Variants in COLEC12 observed in about 807,000 individuals in gnomAD.
COLEC12 encodes the protein collectin-12.
Under a neutral mutation model 71.1 loss-of-function variants are expected in COLEC12, and 33 were observed. That is an observed-to-expected ratio of 0.46 (90% confidence interval 0.35 to 0.62). The LOEUF is 0.62. Among genes scored for constraint, COLEC12 ranks in the 20% least tolerant of loss-of-function variants. COLEC12 has a pLI of 0.00. For missense variants in COLEC12, 765 were observed against 916.1 expected (o/e 0.84, Z 2.13); for synonymous variants, 350 against 353.0 (o/e 0.99, Z 0.10).
chr18:439,025 G>A (rs1344464739), intron 2 of COLEC12, among the ~76,000 whole-genome samples: 6 of 152,098 alleles, frequency 3.9e-5, no homozygotes, highest in Admixed American at 3.9e-4. Flanking sequence ...TCATCTACCT[G>A]GGAAACTTTC....
chr18:365,870 G>A (rs1914844964), intron 2 of COLEC12, among the ~76,000 whole-genome samples: 1 of 152,050 alleles, frequency 6.6e-6, no homozygotes, highest in Admixed American at 6.6e-5. Context: ...TGGCTAATAT[G>A]CATCTCACCA....
intron 2 of COLEC12, among the ~76,000 whole-genome samples, chr18:429,376 C>T (rs1916257880): frequency 6.8e-6 from 1 of 148,076 alleles, no homozygotes; most frequent in Non-Finnish European, 1.5e-5. Context: ...TCATGTAATT[C>T]TTTTTTTCTT....
At chr18:403,677 C>T (rs1053717879) in intron 2 of COLEC12, among the ~76,000 whole-genome samples, 27 of 152,318 alleles carry the variant, frequency 1.8e-4, no homozygotes, top group African/African-American at 6.0e-4. Context: ...GTTATTAAAG[C>T]TGTACCTCCA....
chr18:498,832 C>T (rs1917763883), intron 1 of COLEC12, among the ~76,000 whole-genome samples: 1 of 152,126 alleles, frequency 6.6e-6, no homozygotes, highest in Non-Finnish European at 1.5e-5. Flanking sequence ...CAGCATAAAT[C>T]TCTCCAAAAA....
chr18:430,496 C>T (rs1916283167), intron 2 of COLEC12, among the ~76,000 whole-genome samples: 1 of 152,026 alleles, frequency 6.6e-6, no homozygotes, highest in African/African-American at 2.4e-5. Flanking sequence ...TAGTCTTTCC[C>T]TTTCACTTAT....
intron 3 of COLEC12, among the ~76,000 whole-genome samples, chr18:351,785 G>A (rs1159791658): frequency 6.6e-6 from 1 of 152,158 alleles, no homozygotes; most frequent in Non-Finnish European, 1.5e-5. Context: ...TGCACAACGT[G>A]CAGGTTTGTT....
chr18:464,240 C>A (rs1369212175), intron 2 of COLEC12, among the ~76,000 whole-genome samples: 1 of 152,190 alleles, frequency 6.6e-6, no homozygotes, highest in African/African-American at 2.4e-5. Context: ...GCTGTAGCAA[C>A]CTTGAGAGCA....
chr18:442,955 T>C (rs1916574054), intron 2 of COLEC12, among the ~76,000 whole-genome samples: 3 of 152,332 alleles, frequency 2.0e-5, no homozygotes, highest in Admixed American at 6.5e-5. Context: ...AGCGAGACTC[T>C]GTCTCAAAAA....
At chr18:498,576 G>C (rs1048186425) in intron 1 of COLEC12, among the ~76,000 whole-genome samples, 2 of 152,006 alleles carry the variant, frequency 1.3e-5, no homozygotes, top group African/African-American at 2.4e-5. Flanking sequence ...GGCCAGGCTG[G>C]TCTCGAACTC....
At position 417,916 on chromosome 18, in the gene COLEC12, G is replaced by T. The variant is rs560048651; in HGVS notation, c.59-60394C>A. Among the ~76,000 whole-genome samples the T allele has an allele frequency of 3.9e-5, 6 of 152,206 alleles. No homozygotes were observed. The South Asian group carries it at 1.2e-3, about 32-fold the overall frequency. ...CTTTTGCCTTCCTCTAACCACTTTG[G>T]GCGATTCAGTCCTCGGAGGCCTCCC... On this transcript the variant is annotated intron_variant, in intron 2 of 9. Transcript: ENST00000400256.
intron 2 of COLEC12, among the ~76,000 whole-genome samples, chr18:445,167 A>G (rs1321668600): frequency 1.3e-5 from 2 of 152,222 alleles, no homozygotes; most frequent in African/African-American, 4.8e-5. Context: ...ACTGACTGAA[A>G]TGTGGGCCAG....
rs992383478 is a variant in COLEC12, at chr18:327,682, C to T, written c.2063+3986G>A. ...GCAGAGGAGAGAGCCTTTTATCCCT[C>T]GTCTATTTGCTCTTTAACAGTAACC... On this transcript the variant is annotated intron_variant, in intron 8 of 9. Coordinates refer to ENST00000400256, the MANE Select transcript of COLEC12 (RefSeq NM_130386.3). The surrounding 1 kb of genome is among the most constrained non-coding windows in gnomAD (Gnocchi z 4.0). Among the ~76,000 whole-genome samples, 29 of 152,284 alleles carry T rather than the reference C, an allele frequency of 1.9e-4. No individual in the cohort carries two copies. The highest frequency in any genetic ancestry group is 6.3e-4 in the African/African-American group (26 of 41,538).
intron 2 of COLEC12, among the ~76,000 whole-genome samples, chr18:471,769 G>A (rs1173236163): frequency 5.9e-5 from 9 of 151,724 alleles, no homozygotes; most frequent in Admixed American, 4.6e-4. Context: ...TAATAATAGT[G>A]GCTAAAGTGC....
intron 2 of COLEC12, among the ~76,000 whole-genome samples, chr18:413,424 T>C (rs1457204938): frequency 6.6e-6 from 1 of 152,254 alleles, no homozygotes; most frequent in African/African-American, 2.4e-5. Flanking sequence ...ACAGTCACTC[T>C]GGAAAATAGT....
In COLEC12 at chr18:346,376, T is replaced by G; in HGVS notation, c.1246A>C (p.Asn416His). 1 of 1,614,100 alleles carries G rather than the reference T, an allele frequency of 6.2e-7. No homozygotes were observed. ...MRSRLDTEVA[N>H]LSVIMEEMKL... is the part of the protein sequence containing the mutation. ...ATTTCTTCCATAATCACTGATAAGT[T>G]GGCTACTTCAGTGTCTAACCTCGAC... is the stretch of plus-strand genomic sequence containing the variant. The change falls in exon 5 of 10, where the codon AAC becomes CAC. Residue 416 changes from asparagine (N) to histidine (H), a missense_variant. Physicochemically the swap from Asn to His is moderately conservative, Grantham distance 68. Coordinates refer to ENST00000400256, the MANE Select transcript of COLEC12 (RefSeq NM_130386.3). The surrounding 1 kb of genome is among the most constrained non-coding windows in gnomAD (Gnocchi z 4.0).
intron 1 of COLEC12, among the ~76,000 whole-genome samples, chr18:489,603 G>C (rs993557020): frequency 3.9e-5 from 6 of 152,152 alleles, no homozygotes; most frequent in African/African-American, 1.4e-4. Flanking sequence ...CTTGGGAGAT[G>C]AATAATGATG....
intron 2 of COLEC12, among the ~76,000 whole-genome samples, chr18:430,197 G>A (rs1476259559): frequency 1.3e-5 from 2 of 152,170 alleles, no homozygotes; most frequent in East Asian, 3.9e-4. Flanking sequence ...TTAGCCAGGC[G>A]TGGTGGCGCA....
chr18:487,583 G>C (rs1917542858), intron 1 of COLEC12, among the ~76,000 whole-genome samples: 1 of 152,120 alleles, frequency 6.6e-6, no homozygotes, highest in Non-Finnish European at 1.5e-5. Context: ...TAAAACAAAA[G>C]TTCTCTTGTC....
At chr18:444,773 T>C (rs765188476) in intron 2 of COLEC12, among the ~76,000 whole-genome samples, 7 of 152,222 alleles carry the variant, frequency 4.6e-5, no homozygotes, top group South Asian at 2.1e-4. Flanking sequence ...TGACGTGATA[T>C]TTCCATATTA....
Sources: allele counts gnomAD v4.1 joint callset (sites outside exome capture counted in the v4.1 genomes callset), GRCh38; gene constraint gnomAD v4.1.1; non-coding constraint Gnocchi (gnomAD v3.1); transcripts MANE v1.5; gene names NCBI Gene and HGNC (gene_info 2026-07-23, HGNC 2026-07-21).